PLCH2: variants seen among roughly 807,000 people sequenced by gnomAD.
The protein encoded by PLCH2 is 1-phosphatidylinositol 4,5-bisphosphate phosphodiesterase eta-2.
In PLCH2, 98 loss-of-function variants were observed where a neutral mutation model predicts 134.7. The ratio of observed to expected loss-of-function variants is 0.73; its 90% CI spans 0.62 to 0.86. PLCH2 has a LOEUF of 0.86. PLCH2 is among the 40% of genes least tolerant of loss of function. PLCH2 has a pLI of 0.00. For missense variants in PLCH2, 1,994 were observed against 1,986.6 expected, an observed-to-expected ratio of 1.00 and a Z score of -0.07; for synonymous variants, 974 against 827.5, an observed-to-expected ratio of 1.18 and a Z score of -3.04.
At position 2,444,259 on chromosome 1, in the gene PLCH2, G is replaced by A. The variant is rs1639835218; in HGVS notation, c.115+13630G>A. Among the ~76,000 whole-genome samples the A allele has an allele frequency of 6.6e-6, 1 of 152,226 alleles. No individual in the cohort carries two copies. The highest frequency in any genetic ancestry group is 1.5e-5 in the Non-Finnish European group (1 of 68,036). On this transcript the variant is annotated intron_variant, in intron 2 of 3. Coordinates refer to the PLCH2 transcript ENST00000609981. This position sits in a 1 kb window ranked among gnomAD's most constrained non-coding sequence, Gnocchi z 4.6. ...CGGGCTTCTGCGGAGGTCGCACTGG[G>A]GCTGTGACCGTGCTGAGAATGACCC...
chr1:2,433,556 T>A (rs950156105), intron 2 of PLCH2, among the ~76,000 whole-genome samples: 1 of 152,162 alleles, frequency 6.6e-6, no homozygotes, highest in East Asian at 1.9e-4. Flanking sequence ...GGGAACGGTG[T>A]GTCCGCACAG....
At chr1:2,467,461 C>CG (rs1641115085) in exon 1 of PLCH2, 3 of 379,282 alleles carry the variant, frequency 7.9e-6, no homozygotes, top group South Asian at 1.5e-4. Context: ...ACCTTCCTCA[C>CG]GGGCGGGCGC....
At chr1:2,502,601 G>A (rs1162541928) in intron 21 of PLCH2, 192 bp downstream of exon 21, 1 of 714,052 alleles carries the variant, frequency 1.4e-6, no homozygotes, top group Non-Finnish European at 2.5e-6. Context: ...CAGGCAGGCA[G>A]CCATTCGCCA....
rs764443976 is a variant in PLCH2, at chr1:2,478,527, G to A, written c.176G>A (p.Arg59His). Residue 59 changes from arginine (R) to histidine (H), a missense_variant, in exon 2 of 22, where the codon CGT (arginine) becomes CAT (histidine). By Grantham distance (29) the Arg-to-His change is conservative. Coordinates refer to ENST00000378486, the MANE Select transcript of PLCH2 (RefSeq NM_014638.4). The stretch of plus-strand genomic sequence containing the variant: ...GAGGGGATGCAGATGGTGAAGCTGC[G>A]TGGCGGCTCCAAGGGCCTGGTCCGC... Reference protein sequence around the residue: ...MQEGMQMVKLRGGSKGLVRFY... With the variant: ...MQEGMQMVKLHGGSKGLVRFY... 10 of 1,612,642 alleles carry A rather than the reference G, an allele frequency of 6.2e-6. No individual in the cohort carries two copies. Among genetic ancestry groups the A allele is most frequent in the South Asian group, 4.4e-5 (4 of 91,092 alleles).
At chr1:2,464,350 C>T (rs1319794078), upstream of PLCH2, among the ~76,000 whole-genome samples, 5 of 152,240 alleles carry the variant, frequency 3.3e-5, no homozygotes, top group African/African-American at 9.6e-5. Flanking sequence ...GGGTCACCTG[C>T]GGGCTCAGAA....
intron 5 of PLCH2, among the ~76,000 whole-genome samples, chr1:2,485,032 T>C (rs1310241614): frequency 6.6e-6 from 1 of 152,082 alleles, no homozygotes; most frequent in Non-Finnish European, 1.5e-5. Flanking sequence ...CTTTGAGACC[T>C]GCCCCTGTGT....
chr1:2,483,297 C>T (rs568299974), intron 4 of PLCH2, among the ~76,000 whole-genome samples: 2 of 152,276 alleles, frequency 1.3e-5, no homozygotes, highest in Admixed American at 6.5e-5. Flanking sequence ...CTGATCAGCC[C>T]GTCCCATCTC....
At chr1:2,491,368 G>A (rs753411856) in intron 11 of PLCH2, 33 bp downstream of exon 11, 8 of 1,598,666 alleles carry the variant, frequency 5.0e-6, no homozygotes, top group African/African-American at 2.7e-5. Flanking sequence ...CCCTGATGCC[G>A]ACAGGCCCCC....
chr1:2,457,230 G>A (rs1047695445), intron 2 of PLCH2, among the ~76,000 whole-genome samples: 2 of 152,182 alleles, frequency 1.3e-5, no homozygotes, highest in Admixed American at 6.5e-5. Flanking sequence ...AGCAAGGACA[G>A]GAATGAGGCC....
chr1:2,502,647 C>G (rs1437149275), intron 21 of PLCH2: 1 of 677,790 alleles, frequency 1.5e-6, no homozygotes, highest in East Asian at 2.7e-5. Context: ...CTGGGGGCCC[C>G]CTGCTGTGGC....
intron 2 of PLCH2, among the ~76,000 whole-genome samples, chr1:2,442,506 C>T (rs1639736866): frequency 6.6e-6 from 1 of 152,248 alleles, no homozygotes; most frequent in Non-Finnish European, 1.5e-5. Context: ...TCAGCCTTTC[C>T]TCTCCCTGGC....
chr1:2,485,515 G>A (rs1452438725), intron 5 of PLCH2, among the ~76,000 whole-genome samples: 3 of 152,046 alleles, frequency 2.0e-5, no homozygotes, highest in Admixed American at 6.5e-5. Flanking sequence ...GCCTCGGCCT[G>A]GGGGTGCTGC....
At chr1:2,438,254 G>A (rs544805187) in intron 2 of PLCH2, among the ~76,000 whole-genome samples, 4 of 152,254 alleles carry the variant, frequency 2.6e-5, no homozygotes, top group Non-Finnish European at 4.4e-5. Context: ...CTGTGCAGGC[G>A]ACAGTTGGTT....
At chr1:2,480,341 C>T (rs768715002) in intron 4 of PLCH2, 29 bp downstream of exon 4, 7 of 1,605,118 alleles carry the variant, frequency 4.4e-6, no homozygotes, top group Admixed American at 1.7e-5. Flanking sequence ...TACCTGGGCT[C>T]CAGAGCCAGG....
intron 21 of PLCH2, 178 bp from the exon 22 acceptor site, chr1:2,503,744 G>A: frequency 1.6e-6 from 1 of 618,060 alleles, no homozygotes; most frequent in South Asian, 1.8e-5. Flanking sequence ...GCAGGGTGGG[G>A]ACACCGAGTG....
intron 2 of PLCH2, chr1:2,479,237 A>G (rs1469572498): frequency 6.0e-6 from 1 of 166,240 alleles, no homozygotes; most frequent in Non-Finnish European, 1.3e-5. Context: ...GCAGTTGCCA[A>G]GCGTGTAGCC....
In PLCH2 at chr1:2,479,437, C is replaced by T. The variant is rs1641826401; in HGVS notation, c.272-297C>T. On this transcript the variant is annotated intron_variant, in intron 2 of 21. Coordinates refer to ENST00000378486, the MANE Select transcript of PLCH2 (RefSeq NM_014638.4). Reference sequence around the variant, plus strand: ...GACGTGCTGGTTAAACGTGGAGCCCCGGGCCAGCCGGGCACTGGGGGCTGC... The same window carrying T: ...GACGTGCTGGTTAAACGTGGAGCCCTGGGCCAGCCGGGCACTGGGGGCTGC... 7 of 335,028 alleles carry T rather than the reference C, an allele frequency of 2.1e-5. No homozygotes were observed. In the South Asian group the frequency reaches 2.1e-4, roughly 10 times the overall value. 20.8% of individuals were successfully genotyped at this position (335,028 alleles called of 1,614,324 possible). A position where few individuals can be genotyped will look rare whatever the true frequency, so the allele number is the denominator to read the frequency against.
chr1:2,460,312 C>T (rs1317932426), intron 2 of PLCH2, among the ~76,000 whole-genome samples: 1 of 152,282 alleles, frequency 6.6e-6, no homozygotes, highest in East Asian at 1.9e-4. Flanking sequence ...ACCAGAAGCC[C>T]TCTGGGTGCG....
At chr1:2,474,333 T>C (rs894612180), upstream of PLCH2, among the ~76,000 whole-genome samples, 1 of 151,034 alleles carries the variant, frequency 6.6e-6, no homozygotes, top group South Asian at 2.1e-4. Context: ...TGGAGGGGAG[T>C]GGGCGGTCCC....
Sources: gnomAD v4.1 joint callset for allele counts (sites outside exome capture counted in the v4.1 genomes callset) on GRCh38, gnomAD v4.1.1 for gene constraint, Gnocchi (gnomAD v3.1) non-coding constraint, MANE v1.5 for transcripts, NCBI Gene and HGNC (gene_info 2026-07-23, HGNC 2026-07-21) for gene names.